Variants in DENND11 observed in about 807,000 individuals in gnomAD.
The protein encoded by DENND11 is DENN domain containing 11, also known as DENN domain-containing protein 11.
In DENND11, 34 loss-of-function variants were observed where a neutral mutation model predicts 49.2. The observed-to-expected ratio is 0.69, with a 90% confidence interval of 0.53 to 0.92. The LOEUF (loss-of-function observed/expected upper bound fraction) is 0.92. Ranked by LOEUF, DENND11 falls within the 40% of genes least tolerant of loss-of-function variation. The pLI is 0.00. For synonymous variants in DENND11, 238 were observed against 230.3 expected (o/e 1.03, Z -0.30); for missense variants, 475 against 581.6 (o/e 0.82, Z 1.88).
At chr7:141,694,970 C>G in intron 1 of DENND11, among the ~76,000 whole-genome samples, 1 of 152,220 alleles carries the variant, frequency 6.6e-6, no homozygotes, top group East Asian at 1.9e-4. Context: ...TTTCAGCACT[C>G]ACCTCCAGAT....
At chr7:141,700,418 A>T (rs1584730351) in intron 1 of DENND11, among the ~76,000 whole-genome samples, 2 of 151,618 alleles carry the variant, frequency 1.3e-5, no homozygotes, top group African/African-American at 2.4e-5. Flanking sequence ...ATGAACACTT[A>T]AAAAAAAGAG....
At chr7:141,682,750 A>G (rs1798166217) in intron 3 of DENND11, among the ~76,000 whole-genome samples, 2 of 152,182 alleles carry the variant, frequency 1.3e-5, no homozygotes, top group Admixed American at 6.5e-5. Context: ...ATCCGGCCAT[A>G]GTAATTTTGG....
chr7:141,689,121 T>C (rs542650537), intron 1 of DENND11, among the ~76,000 whole-genome samples: 5 of 152,334 alleles, frequency 3.3e-5, no homozygotes, highest in East Asian at 1.9e-4. Flanking sequence ...AAATGTTATA[T>C]TGAAGTATAG....
At position 141,662,779 on chromosome 7, in the gene DENND11, C is replaced by CA; in HGVS notation, c.1244dup (p.Thr416AspfsTer29). On this transcript the variant is annotated frameshift_variant, in exon 9 of 9. Coordinates refer to ENST00000536163, the MANE Select transcript of DENND11 (RefSeq NM_001080392.2). LOFTEE classifies it high-confidence loss of function. ...CCATGCCCCGGGCATGCTCTGCTGTCAGAGTTTTGTCTTGACTGGCAGACA... is the reference window on the plus strand; with the variant it reads ...CCATGCCCCGGGCATGCTCTGCTGTCAAGAGTTTTGTCTTGACTGGCAGACA... The CA allele has an allele frequency of 6.2e-7, 1 of 1,606,718 alleles. No homozygotes were observed. Among genetic ancestry groups the CA allele is most frequent in the Non-Finnish European group, 8.5e-7 (1 of 1,176,462 alleles).
At chr7:141,665,409 C>G in intron 5 of DENND11, 91 bp from the exon 6 acceptor site, 1 of 1,511,468 alleles carries the variant, frequency 6.6e-7, no homozygotes, top group South Asian at 1.2e-5. Flanking sequence ...CTGCTCCAGG[C>G]TATCTGGTGC....
chr7:141,691,985 G>A lies in DENND11; in HGVS notation c.269-5327C>T, dbSNP rs1798334052. Among the ~76,000 whole-genome samples, 3 of 152,128 alleles carry A rather than the reference G, an allele frequency of 2.0e-5. No homozygotes were observed. In the South Asian group the frequency reaches 6.2e-4, roughly 32 times the overall value. On this transcript the variant is annotated intron_variant, in intron 1 of 8. Coordinates refer to ENST00000536163, the MANE Select transcript of DENND11 (RefSeq NM_001080392.2). ...ATTAGTGTTAATTACCTTAGCAATA[G>A]TAATAATATTGTAGTTACATAGGAA...
chr7:141,687,796 G>A (rs549660829), intron 1 of DENND11, among the ~76,000 whole-genome samples: 11 of 152,022 alleles, frequency 7.2e-5, no homozygotes, highest in South Asian at 2.1e-4. Flanking sequence ...CACCAGGCCC[G>A]GCTAATTTTT....
chr7:141,670,962 T>C (rs1797971445), intron 4 of DENND11, among the ~76,000 whole-genome samples: 1 of 152,150 alleles, frequency 6.6e-6, no homozygotes, highest in Non-Finnish European at 1.5e-5. Flanking sequence ...GCCCTGCAAA[T>C]ACCAAGGAAT....
intron 3 of DENND11, among the ~76,000 whole-genome samples, chr7:141,675,210 T>C (rs1306001546): frequency 6.6e-6 from 1 of 152,094 alleles, no homozygotes; most frequent in Non-Finnish European, 1.5e-5. Context: ...ACTGGGATGA[T>C]GCATCTACAA....
intron 4 of DENND11, among the ~76,000 whole-genome samples, chr7:141,672,933 C>G (rs1283235386): frequency 5.3e-5 from 8 of 152,308 alleles, no homozygotes; most frequent in Middle Eastern, 3.4e-3. Context: ...TATTAGGATT[C>G]AAGCTCCAGG....
chr7:141,690,887 T>C (rs1798317109), intron 1 of DENND11, among the ~76,000 whole-genome samples: 1 of 152,226 alleles, frequency 6.6e-6, no homozygotes, highest in African/African-American at 2.4e-5. Flanking sequence ...ATACAGTGCT[T>C]AATGTTTCCC....
chr7:141,702,038 C>A lies in DENND11; in HGVS notation c.116G>T (p.Gly39Val). ...GGGCGGCTCCGCGGCCGGCCGGGCG[C>A]CCCCGCCGCCGCCCCGGCCCCAGCC... is the stretch of plus-strand genomic sequence containing the variant. ...AGGWGRGGGG[G>V]ARPAAEPPRR... Residue 39 changes from glycine to valine, a missense_variant, in exon 1 of 9, where the codon GGC becomes GTC. Physicochemically the swap from Gly to Val is moderately radical, Grantham distance 109. Transcript: ENST00000536163. The A allele has an allele frequency of 9.9e-7, 1 of 1,007,516 alleles. No homozygotes were observed. The highest frequency in any genetic ancestry group is 4.5e-5 in the South Asian group (1 of 22,354). 62.4% of individuals were successfully genotyped at this position (1,007,516 alleles called of 1,614,324 possible).
At chr7:141,667,619 T>A (rs13244878) in intron 4 of DENND11, among the ~76,000 whole-genome samples, 1 of 152,148 alleles carries the variant, frequency 6.6e-6, no homozygotes, top group South Asian at 2.1e-4. Context: ...TCATCACCCA[T>A]CAGGGAGGCA....
chr7:141,696,614 C>T (rs943083935), intron 1 of DENND11, among the ~76,000 whole-genome samples: 1 of 152,156 alleles, frequency 6.6e-6, no homozygotes, highest in Admixed American at 6.5e-5. Flanking sequence ...TGAGGTTTTA[C>T]TCTTTCCACG....
At chr7:141,685,029 A>AATATATATAT (rs1167922771) in intron 3 of DENND11, among the ~76,000 whole-genome samples, 8 of 91,544 alleles carry the variant, frequency 8.7e-5, no homozygotes, top group South Asian at 3.6e-4. Flanking sequence ...AAAAAAAAAA[A>AATATATATAT]ATATATATAT....
chr7:141,661,299 C>T lies in DENND11; in HGVS notation c.*1357G>A, dbSNP rs1244835194. On this transcript the variant is annotated 3_prime_UTR_variant, in exon 9 of 9. Transcript: ENST00000536163. ...AAATTCTCAACTATGGCCAAAAAGG[C>T]CTAAACTCGACCCACAGGAACTGGC... 2.6e-5 allele frequency: 4 copies of T among 152,186 alleles called. 1 individual carries two copies. Among genetic ancestry groups the T allele is most frequent in the Non-Finnish European group, 4.4e-5 (3 of 68,046 alleles). The allele number at this position is 152,186 out of a possible 1,614,324, so 9.4% of individuals were successfully genotyped here.
In DENND11 at chr7:141,674,077, G is replaced by T; in HGVS notation, c.671C>A (p.Pro224His). ...CAGGGCTAACCTCACCTTCATCTCA[G>T]GGTACATGTATCGGTGGATGGAAGG... ...WLPSIHRYMY[P>H]EMKITHPAGC... Residue 224 changes from proline to histidine, a missense_variant, in exon 4 of 9, where the codon CCT (proline) becomes CAT (histidine). Physicochemically the swap from Pro to His is moderately conservative, Grantham distance 77. Coordinates refer to ENST00000536163, the MANE Select transcript of DENND11 (RefSeq NM_001080392.2). 6.2e-7 allele frequency: 1 copy of T among 1,606,020 alleles called. No individual in the cohort carries two copies. The highest frequency in any genetic ancestry group is 8.5e-7 in the Non-Finnish European group (1 of 1,176,496).
intron 8 of DENND11, chr7:141,663,179 T>C: frequency 4.2e-6 from 1 of 236,286 alleles, no homozygotes; most frequent in Non-Finnish European, 8.1e-6. Flanking sequence ...CTTTTCTCTC[T>C]TTCTGCTTAG....
intron 2 of DENND11, among the ~76,000 whole-genome samples, chr7:141,686,082 T>C (rs1798238381): frequency 6.6e-6 from 1 of 152,224 alleles, no homozygotes; most frequent in Non-Finnish European, 1.5e-5. Flanking sequence ...CTTGTATCAA[T>C]CATGAATTAA....
Sources: gnomAD v4.1 joint callset for allele counts (sites outside exome capture counted in the v4.1 genomes callset) on GRCh38, gnomAD v4.1.1 for gene constraint, MANE v1.5 for transcripts, NCBI Gene and HGNC (gene_info 2026-07-23, HGNC 2026-07-21) for gene names.